ACAP2: variants seen among roughly 807,000 people sequenced by gnomAD.
ACAP2 encodes arf-GAP with coiled-coil, ANK repeat and PH domain-containing protein 2.
Under a neutral mutation model 115.8 loss-of-function variants are expected in ACAP2, and 39 were observed. The observed-to-expected ratio is 0.34, with a 90% CI of 0.26 to 0.44. The LOEUF is 0.44. ACAP2 is among the 20% of genes least tolerant of loss of function. The probability of loss-of-function intolerance (pLI) is 1.00; values close to 1 mark genes in which losing one functional copy is unlikely to be tolerated. For missense variants in ACAP2, 662 were observed against 927.6 expected (o/e 0.71, Z 3.72); for synonymous variants, 289 against 315.8 (o/e 0.92, Z 0.90).
chr3:195,375,519 A>G (rs1467799767), intron 4 of ACAP2, among the ~76,000 whole-genome samples: 1 of 151,694 alleles, frequency 6.6e-6, no homozygotes, highest in East Asian at 1.9e-4. Flanking sequence ...AAAAAAAAAA[A>G]AAAAAATACT....
intron 1 of ACAP2, among the ~76,000 whole-genome samples, chr3:195,414,790 T>C (rs763377735): frequency 2.6e-5 from 4 of 152,038 alleles, no homozygotes; most frequent in Admixed American, 2.0e-4. Flanking sequence ...TATTCCAGAA[T>C]CAAAAAAATC....
At chr3:195,391,807 C>A (rs1417954202) in intron 2 of ACAP2, among the ~76,000 whole-genome samples, 2 of 151,940 alleles carry the variant, frequency 1.3e-5, no homozygotes, top group Admixed American at 6.6e-5. Context: ...CCAGCCTGGC[C>A]AACATGGGAA....
At chr3:195,359,826 A>G (rs946428462) in intron 4 of ACAP2, among the ~76,000 whole-genome samples, 2 of 152,136 alleles carry the variant, frequency 1.3e-5, no homozygotes, top group African/African-American at 2.4e-5. Flanking sequence ...ATCAGTGTTG[A>G]TTTGCTACCG....
chr3:195,355,401 G>A (rs1731895602), intron 4 of ACAP2, among the ~76,000 whole-genome samples: 1 of 148,248 alleles, frequency 6.7e-6, no homozygotes, highest in South Asian at 2.1e-4. Flanking sequence ...TGGTATCTAA[G>A]TCTCCAGTCT....
chr3:195,419,994 G>C (rs376520717), intron 1 of ACAP2, among the ~76,000 whole-genome samples: 2 of 152,040 alleles, frequency 1.3e-5, no homozygotes, highest in South Asian at 2.1e-4. Flanking sequence ...TTGCATGTTT[G>C]TTCTTTTATA....
At chr3:195,441,130 TAA>T (rs58154058) in intron 1 of ACAP2, among the ~76,000 whole-genome samples, 3 of 143,366 alleles carry the variant, frequency 2.1e-5, no homozygotes, top group Admixed American at 7.0e-5. Context: ...TCTCTCAACT[TAA>T]AAAAAAAAAA....
intron 1 of ACAP2, among the ~76,000 whole-genome samples, chr3:195,434,459 C>G (rs147625102): frequency 1.8e-3 from 275 of 152,214 alleles, no homozygotes; most frequent in African/African-American, 6.4e-3. Context: ...CCAGACTAAA[C>G]CCCTGGGCTC....
Position 195,295,837 on chromosome 3 carries a change from T to C in ACAP2, c.1543A>G (p.Lys515Glu). Residue 515 changes from lysine (K) to glutamate (E), a missense_variant, in exon 17 of 23, where the codon AAA becomes GAA. Physicochemically the swap from Lys to Glu is moderately conservative, Grantham distance 56. Transcript: ENST00000326793. ...AKYVERKFVD[K>E]YSISLSPPEQ... ...GGAGGTGATAATGATATAGAATATT[T>C]ATCCACAAATTTCCTCTCCACATAT... is the stretch of plus-strand genomic sequence containing the variant. 1 of 1,613,974 alleles carries C rather than the reference T, an allele frequency of 6.2e-7. No individual in the cohort carries two copies. Among genetic ancestry groups the C allele is most frequent in the Non-Finnish European group, 8.5e-7 (1 of 1,179,972 alleles).
intron 2 of ACAP2, among the ~76,000 whole-genome samples, chr3:195,387,047 A>C (rs1391665929): frequency 6.6e-6 from 1 of 152,126 alleles, no homozygotes; most frequent in African/African-American, 2.4e-5. Flanking sequence ...GAGAAAATGA[A>C]ATTGTCATAC....
rs542080742 is a variant in ACAP2, at chr3:195,420,601, C to T, written c.53+22194G>A. Among the ~76,000 whole-genome samples, 36 of 151,976 alleles carry T rather than the reference C, an allele frequency of 2.4e-4. No individual in the cohort carries two copies. The East Asian group carries it at 7.0e-3, about 29-fold the overall frequency. ...CTCGTGATTCACCCGCCTCGGCCTC[C>T]CAAAGTGCTGGAATTACAGGCGTGA... On this transcript the variant is annotated intron_variant, in intron 1 of 22. Coordinates refer to ENST00000326793, the MANE Select transcript of ACAP2 (RefSeq NM_012287.6).
intron 10 of ACAP2, among the ~76,000 whole-genome samples, chr3:195,318,060 T>C (rs1234665145): frequency 6.6e-6 from 1 of 152,164 alleles, no homozygotes; most frequent in Non-Finnish European, 1.5e-5. Context: ...GGAGATCTGA[T>C]AGTTTAAAAG....
At chr3:195,328,085 A>G (rs7633265) in intron 8 of ACAP2, among the ~76,000 whole-genome samples, 68,235 of 151,800 alleles carry the variant, frequency 0.45, 17,021 homozygotes, top group Middle Eastern at 0.68. Context: ...CCTATTTGCT[A>G]AACTAACAAT....
Position 195,353,678 on chromosome 3 carries a change from C to T in ACAP2, c.286-8361G>A, listed in dbSNP as rs181999806. Reference sequence around the variant, plus strand: ...GTTATATTCACTAAATTATTTGTAGCGATTTCATGGAGATGTGTGGATCTC... The same window carrying T: ...GTTATATTCACTAAATTATTTGTAGTGATTTCATGGAGATGTGTGGATCTC... On this transcript the variant is annotated intron_variant, in intron 4 of 22. Coordinates refer to ENST00000326793, the MANE Select transcript of ACAP2 (RefSeq NM_012287.6). Among the ~76,000 whole-genome samples the T allele has an allele frequency of 2.0e-5, 3 of 152,172 alleles. No homozygotes were observed. The East Asian group carries it at 5.8e-4, about 29-fold the overall frequency.
At chr3:195,396,328 G>C (rs1711772665) in intron 1 of ACAP2, among the ~76,000 whole-genome samples, 1 of 151,498 alleles carries the variant, frequency 6.6e-6, no homozygotes, top group Non-Finnish European at 1.5e-5. Flanking sequence ...GCTATGAAAT[G>C]AATGAGGCTC....
intron 5 of ACAP2, among the ~76,000 whole-genome samples, chr3:195,344,827 C>A (rs576343597): frequency 6.6e-6 from 1 of 152,246 alleles, no homozygotes; most frequent in African/African-American, 2.4e-5. Context: ...GCCCAAAAAT[C>A]ATGTACTTTC....
chr3:195,288,799 A>G (rs986317052), intron 21 of ACAP2, among the ~76,000 whole-genome samples: 1 of 152,150 alleles, frequency 6.6e-6, no homozygotes, highest in Non-Finnish European at 1.5e-5. Flanking sequence ...TGGAGGTTGC[A>G]GGGAGCCGGT....
At chr3:195,385,029 C>T (rs984106632) in intron 2 of ACAP2, among the ~76,000 whole-genome samples, 2 of 151,974 alleles carry the variant, frequency 1.3e-5, no homozygotes, top group Non-Finnish European at 2.9e-5. Flanking sequence ...TGAACTTAAC[C>T]TCAACAAACT....
At chr3:195,310,764 C>A (rs1728712456) in intron 10 of ACAP2, among the ~76,000 whole-genome samples, 1 of 152,174 alleles carries the variant, frequency 6.6e-6, no homozygotes, top group Non-Finnish European at 1.5e-5. Context: ...ATATGTATTT[C>A]TGAAACCCAG....
intron 4 of ACAP2, among the ~76,000 whole-genome samples, chr3:195,352,768 A>G (rs1181037657): frequency 6.6e-6 from 1 of 152,118 alleles, no homozygotes; most frequent in Non-Finnish European, 1.5e-5. Flanking sequence ...GAAAGTAACA[A>G]TGTGTGACTG....
Sources: allele counts gnomAD v4.1 joint callset (sites outside exome capture counted in the v4.1 genomes callset), GRCh38; gene constraint gnomAD v4.1.1; transcripts MANE v1.5; gene names NCBI Gene and HGNC (gene_info 2026-07-23, HGNC 2026-07-21).